Variants in PDE11A observed in about 807,000 individuals in gnomAD.
The protein encoded by PDE11A is dual 3',5'-cyclic-AMP and -GMP phosphodiesterase 11A.
A neutral mutation model predicts 100.5 loss-of-function variants in PDE11A; 100 were observed. That is an observed-to-expected ratio of 1.00 (90% CI 0.85 to 1.18). The LOEUF (loss-of-function observed/expected upper bound fraction) is 1.18, where lower values mean the gene tolerates loss of function less well. Among genes scored for constraint, PDE11A ranks in the 50% most tolerant of loss-of-function variants. The pLI, the probability that PDE11A is intolerant of heterozygous loss-of-function variation, is 0.00. For synonymous variants in PDE11A, 381 were observed against 420.8 expected (o/e 0.91, Z 1.16); for missense variants, 1,141 against 1,152.6 (o/e 0.99, Z 0.15).
chr2:177,895,555 A>G (rs1025180929), intron 4 of PDE11A, among the ~76,000 whole-genome samples: 8 of 147,474 alleles, frequency 5.4e-5, no homozygotes, highest in Non-Finnish European at 1.1e-4. Context: ...CTCCACCTCA[A>G]AAAAAAAAAA....
intron 9 of PDE11A, among the ~76,000 whole-genome samples, chr2:177,771,067 G>A (rs1319797608): frequency 3.3e-5 from 5 of 152,088 alleles, no homozygotes; most frequent in African/African-American, 7.2e-5. Flanking sequence ...GGGTTCAAGC[G>A]ATCCTCCCGC....
intron 9 of PDE11A, among the ~76,000 whole-genome samples, chr2:177,790,396 G>T (rs1435883146): frequency 1.3e-4 from 20 of 151,622 alleles, no homozygotes; most frequent in Admixed American, 2.0e-4. Context: ...ATTCAAGATG[G>T]ATTAAAGACT....
At position 178,065,639 on chromosome 2, in the gene PDE11A, G is replaced by A. The variant is rs1169689737; in HGVS notation, c.912+5887C>T. Among the ~76,000 whole-genome samples, 14 of 152,228 alleles carry A rather than the reference G, an allele frequency of 9.2e-5. No homozygotes were observed. The East Asian group carries it at 2.5e-3, about 27-fold the overall frequency. ...TCTGGGCTAGTGAACATGTTTGCGC[G>A]CTTGGGGGAATTTTTTTTAAACACT... On this transcript the variant is annotated intron_variant, in intron 1 of 19. Transcript: ENST00000286063.
intron 2 of PDE11A, among the ~76,000 whole-genome samples, chr2:177,909,022 A>G (rs1470294435): frequency 6.6e-6 from 1 of 152,194 alleles, no homozygotes. Flanking sequence ...TTTAGTCCTG[A>G]CAGATGAATG....
At chr2:178,009,840 A>T (rs2105824279) in intron 2 of PDE11A, among the ~76,000 whole-genome samples, 1 of 152,276 alleles carries the variant, frequency 6.6e-6, no homozygotes, top group African/African-American at 2.4e-5. Context: ...CATATTACAA[A>T]ATGTTTTGAA....
At chr2:177,697,539 T>G (rs1226810219) in intron 14 of PDE11A, 107 bp from the exon 15 acceptor site, 6 of 684,490 alleles carry the variant, frequency 8.8e-6, no homozygotes, top group Non-Finnish European at 1.6e-5. Context: ...AAAAATCACT[T>G]TTTAAAAAGC....
chr2:177,933,928 G>A (rs2085240818), intron 2 of PDE11A, among the ~76,000 whole-genome samples: 1 of 152,172 alleles, frequency 6.6e-6, no homozygotes, highest in African/African-American at 2.4e-5. Context: ...GGCGAGCCAT[G>A]TGCAGAAGAA....
chr2:178,006,157 C>A (rs1202907381), intron 2 of PDE11A, among the ~76,000 whole-genome samples: 2 of 152,124 alleles, frequency 1.3e-5, no homozygotes, highest in African/African-American at 2.4e-5. Context: ...AATATTTGAT[C>A]ATTATATATT....
intron 1 of PDE11A, among the ~76,000 whole-genome samples, chr2:178,055,497 T>TA (rs1468546273): frequency 6.6e-6 from 1 of 151,706 alleles, no homozygotes; most frequent in African/African-American, 2.4e-5. Flanking sequence ...TAAAGTATAA[T>TA]AAAAAAATAA....
chr2:177,817,100 T>G (rs1025411701), intron 8 of PDE11A, among the ~76,000 whole-genome samples, 179 bp from the exon 9 acceptor site: 5 of 150,878 alleles, frequency 3.3e-5, no homozygotes, highest in Admixed American at 6.6e-5. Flanking sequence ...AACAACTTTA[T>G]AGCTCACACT....
intron 10 of PDE11A, among the ~76,000 whole-genome samples, chr2:177,738,716 G>A (rs1279745072): frequency 1.4e-4 from 21 of 152,198 alleles, no homozygotes; most frequent in Non-Finnish European, 2.5e-4. Context: ...GAGAGGGAGG[G>A]CACAACCACT....
chr2:177,651,837 T>C (rs1422809672), intron 19 of PDE11A, among the ~76,000 whole-genome samples: 3 of 152,108 alleles, frequency 2.0e-5, no homozygotes, highest in Admixed American at 1.3e-4. Context: ...GTAGGAGTTA[T>C]TGGTTCAGAT....
chr2:177,750,128 A>T (rs2082006559), intron 10 of PDE11A, among the ~76,000 whole-genome samples: 1 of 152,148 alleles, frequency 6.6e-6, no homozygotes. Context: ...GCTCAATATC[A>T]TTGTCAGTTC....
At chr2:177,984,300 G>A (rs1023844848) in intron 2 of PDE11A, among the ~76,000 whole-genome samples, 3 of 152,066 alleles carry the variant, frequency 2.0e-5, no homozygotes, top group African/African-American at 4.8e-5. Context: ...ACAGGGTAAG[G>A]GAAAACTTAG....
chr2:177,897,352 TGCC>T (rs1296114187), intron 4 of PDE11A, among the ~76,000 whole-genome samples: 2 of 152,196 alleles, frequency 1.3e-5, no homozygotes, highest in Non-Finnish European at 2.9e-5. Context: ...GGCCACAAAT[TGCC>T]ACGGTGAGGC....
intron 2 of PDE11A, among the ~76,000 whole-genome samples, chr2:177,958,535 C>CA (rs74753765): frequency 0.011 from 1,727 of 152,284 alleles, 25 homozygotes; most frequent in East Asian, 0.074. Flanking sequence ...CTTAAAGAGA[C>CA]AATCATGGAA....
At chr2:177,644,721 C>A (rs1207014979) in intron 19 of PDE11A, among the ~76,000 whole-genome samples, 1 of 152,110 alleles carries the variant, frequency 6.6e-6, no homozygotes, top group Non-Finnish European at 1.5e-5. Flanking sequence ...GGGTGTGTCC[C>A]CACCAAAATC....
intron 9 of PDE11A, among the ~76,000 whole-genome samples, chr2:177,811,689 G>A (rs58442170): frequency 6.6e-6 from 1 of 151,760 alleles, no homozygotes; most frequent in African/African-American, 2.4e-5. Flanking sequence ...TGTCCTTGGA[G>A]ATGTCTAGCT....
intron 3 of PDE11A, among the ~76,000 whole-genome samples, chr2:177,902,160 T>C (rs1484298348): frequency 6.6e-6 from 1 of 152,010 alleles, no homozygotes; most frequent in East Asian, 1.9e-4. Context: ...ACAAAAGAAG[T>C]GAAAATAGCC....
Sources: allele counts gnomAD v4.1 joint callset (sites outside exome capture counted in the v4.1 genomes callset), GRCh38; gene constraint gnomAD v4.1.1; transcripts MANE v1.5; gene names NCBI Gene and HGNC (gene_info 2026-07-23, HGNC 2026-07-21).